Variants in CACNA1C observed in about 807,000 individuals in gnomAD.
CACNA1C encodes the protein voltage-dependent L-type calcium channel subunit alpha-1C.
CACNA1C carries 30 observed loss-of-function variants against 229.0 expected under a neutral mutation model. The observed-to-expected ratio is 0.13, with a 90% confidence interval of 0.10 to 0.18. The LOEUF (loss-of-function observed/expected upper bound fraction) is 0.18. Ranked by LOEUF, CACNA1C falls within the 10% of genes least tolerant of loss-of-function variation. The probability of loss-of-function intolerance (pLI) is 1.00; values close to 1 mark genes in which losing one functional copy is unlikely to be tolerated. For missense variants in CACNA1C, 1,658 were observed against 2,845.0 expected (o/e 0.58, Z 9.49); for synonymous variants, 1,114 against 1,132.5 (o/e 0.98, Z 0.33).
At chr12:2,572,349 TCCTCCTCTCCTCCTCCTTCTC>T (rs1265142808) in intron 13 of CACNA1C, among the ~76,000 whole-genome samples, 74 of 130,254 alleles carry the variant, frequency 5.7e-4, no homozygotes, top group East Asian at 9.9e-4. Flanking sequence ...TTCCTCCTCC[TCCTCCTCTCCTCCTCCTTCTC>T]CTCTTCCTCC....
chr12:2,513,894 TG>T (rs2099790505), intron 9 of CACNA1C, among the ~76,000 whole-genome samples: 1 of 152,238 alleles, frequency 6.6e-6, no homozygotes, highest in African/African-American at 2.4e-5. Flanking sequence ...TGAGAAGCTT[TG>T]GGTTAACTCT....
chr12:2,527,129 G>A (rs925183097), intron 9 of CACNA1C, among the ~76,000 whole-genome samples: 1 of 152,238 alleles, frequency 6.6e-6, no homozygotes, highest in South Asian at 2.1e-4. Flanking sequence ...AGCCCTTGCT[G>A]TTCCCTAAAT....
intron 3 of CACNA1C, among the ~76,000 whole-genome samples, chr12:2,402,180 C>A (rs191515782): frequency 6.7e-4 from 102 of 152,374 alleles, no homozygotes; most frequent in African/African-American, 2.5e-3. Context: ...CAAAGCTAGA[C>A]AATTATCCAA....
In CACNA1C at chr12:2,229,427, T is replaced by C. The variant is rs372381729; in HGVS notation, c.477+108997T>C. Among the ~76,000 whole-genome samples, 42 of 152,300 alleles carry C rather than the reference T, an allele frequency of 2.8e-4. No homozygotes were observed. The South Asian group carries it at 7.9e-3, about 29-fold the overall frequency. On this transcript the variant is annotated intron_variant, in intron 3 of 46. Transcript: ENST00000399655. ...CCGTCCTTCATTCATCAAATATTTA[T>C]CGTGTATCTGTTCTAGGTGTCAGGG...
chr12:2,254,633 G>A (rs1017503595), intron 3 of CACNA1C, among the ~76,000 whole-genome samples: 7 of 152,106 alleles, frequency 4.6e-5, no homozygotes, highest in Non-Finnish European at 1.5e-5. Context: ...TGTCCCCTTT[G>A]CTGTTAACAC....
At chr12:2,663,565 T>C (rs910171167) in intron 34 of CACNA1C, among the ~76,000 whole-genome samples, 4 of 152,032 alleles carry the variant, frequency 2.6e-5, no homozygotes, top group Non-Finnish European at 5.9e-5. Flanking sequence ...TAATGGACTT[T>C]GGGGACTCGG....
chr12:2,211,583 A>C (rs1296773772), intron 3 of CACNA1C, among the ~76,000 whole-genome samples: 1 of 152,196 alleles, frequency 6.6e-6, no homozygotes, highest in Non-Finnish European at 1.5e-5. Context: ...CCTTCTTCTA[A>C]GAGTGTAAAG....
chr12:2,168,136 G>T (rs2096319951), intron 3 of CACNA1C, among the ~76,000 whole-genome samples: 1 of 152,130 alleles, frequency 6.6e-6, no homozygotes, highest in African/African-American at 2.4e-5. Flanking sequence ...TTAAAGAAAG[G>T]CAGAGGTCAG....
In CACNA1C at chr12:2,108,732, G is replaced by A. The variant is rs76240049; in HGVS notation, c.50-6492G>A. Among the ~76,000 whole-genome samples the A allele has an allele frequency of 6.8e-3, 1,035 of 152,318 alleles. 5 individuals are homozygous for A. Among genetic ancestry groups the A allele is most frequent in the African/African-American group, 0.022 (903 of 41,560 alleles). On this transcript the variant is annotated intron_variant, in intron 1 of 46. Transcript: ENST00000399655. This position sits in a 1 kb window ranked among gnomAD's most constrained non-coding sequence, Gnocchi z 5.3. ...TGAGATGACAGGGCCTCGGGTTATC[G>A]TCTGAGATCGAGAGACGGTGTCCTC...
rs1246430207 is a variant in CACNA1C, at chr12:2,601,437, C to T, written c.2854-417C>T. Among the ~76,000 whole-genome samples the T allele has an allele frequency of 1.3e-5, 2 of 152,166 alleles. No individual in the cohort carries two copies. Among genetic ancestry groups the T allele is most frequent in the Non-Finnish European group, 2.9e-5 (2 of 68,036 alleles). On this transcript the variant is annotated intron_variant, in intron 21 of 46. Transcript: ENST00000399655. The surrounding 1 kb of genome is among the most constrained non-coding windows in gnomAD (Gnocchi z 5.9). ...CAGATGTCTGGTGCTCTCAGCTGGC[C>T]TAAGGACTCAAGCATTTGGAGAGGC...
intron 3 of CACNA1C, among the ~76,000 whole-genome samples, chr12:2,201,051 A>AT (rs1293209911): frequency 6.6e-6 from 1 of 152,120 alleles, no homozygotes; most frequent in Non-Finnish European, 1.5e-5. Flanking sequence ...TAAAAAACGT[A>AT]TTTTTCTAGA....
At chr12:2,330,718 A>G (rs2096519708) in intron 3 of CACNA1C, among the ~76,000 whole-genome samples, 1 of 152,252 alleles carries the variant, frequency 6.6e-6, no homozygotes, top group South Asian at 2.1e-4. Context: ...AAAAACAACA[A>G]TGATAAATCA....
chr12:2,166,590 T>C (rs2154256577), intron 3 of CACNA1C, among the ~76,000 whole-genome samples: 1 of 152,338 alleles, frequency 6.6e-6, no homozygotes, highest in South Asian at 2.1e-4. Flanking sequence ...ATAAATAACC[T>C]TCTCACAGTC....
chr12:2,305,368 G>C (rs1462945573), intron 3 of CACNA1C, among the ~76,000 whole-genome samples: 1 of 152,240 alleles, frequency 6.6e-6, no homozygotes, highest in African/African-American at 2.4e-5. Flanking sequence ...GCCTCAGGTG[G>C]AGCCCAGGTC....
chr12:2,019,851 T>G (rs2046129924), intron 1 of CACNA1C: 1 of 152,240 alleles, frequency 6.6e-6, no homozygotes, highest in Non-Finnish European at 1.5e-5. Flanking sequence ...TGTTTCTGTT[T>G]ATTTCTCATG....
At position 2,654,633 on chromosome 12, in the gene CACNA1C, G is replaced by A. The variant is rs1015418399; in HGVS notation, c.4141-514G>A. Among the ~76,000 whole-genome samples, 4 of 152,208 alleles carry A rather than the reference G, an allele frequency of 2.6e-5. No individual in the cohort carries two copies. The highest frequency in any genetic ancestry group is 6.5e-5 in the Admixed American group (1 of 15,286). On this transcript the variant is annotated intron_variant, in intron 33 of 46. Transcript: ENST00000399655. The surrounding 1 kb of genome is among the most constrained non-coding windows in gnomAD (Gnocchi z 4.4). ...GCCAAAACCTTTTGAGACTAAAAGA[G>A]CTACCTTGATACCTGATAAAGGTGG...
chr12:2,099,400 T>C (rs375591092), intron 1 of CACNA1C, among the ~76,000 whole-genome samples: 1 of 152,010 alleles, frequency 6.6e-6, no homozygotes, highest in South Asian at 2.1e-4. Flanking sequence ...TGAGTTCTTA[T>C]GGGACTTCTT....
intron 3 of CACNA1C, among the ~76,000 whole-genome samples, chr12:2,425,306 A>C (rs2099019123): frequency 6.6e-6 from 1 of 152,254 alleles, no homozygotes; most frequent in Non-Finnish European, 1.5e-5. Flanking sequence ...CGAACAGTAT[A>C]ATCGCAATTT....
intron 3 of CACNA1C, among the ~76,000 whole-genome samples, chr12:2,318,527 C>T (rs1368845536): frequency 2.6e-5 from 4 of 152,230 alleles, no homozygotes; most frequent in South Asian, 2.1e-4. Flanking sequence ...GTATATGCTA[C>T]GCCCTGTGCT....
Sources: allele counts gnomAD v4.1 joint callset (sites outside exome capture counted in the v4.1 genomes callset), GRCh38; gene constraint gnomAD v4.1.1; non-coding constraint Gnocchi (gnomAD v3.1); transcripts MANE v1.5; gene names NCBI Gene and HGNC (gene_info 2026-07-23, HGNC 2026-07-21).